Variants in ATP10B observed in about 807,000 individuals in gnomAD.
The protein encoded by ATP10B is ATPase phospholipid transporting 10B (putative), also known as phospholipid-transporting ATPase VB.
A neutral mutation model predicts 141.2 loss-of-function variants in ATP10B; 122 were observed. The observed-to-expected ratio is 0.86, with a 90% confidence interval of 0.75 to 1.00. ATP10B has a LOEUF of 1.00. ATP10B is among the 50% of genes least tolerant of loss of function. The pLI is 0.00. For synonymous variants in ATP10B, 685 were observed against 692.0 expected (o/e 0.99, Z 0.16); for missense variants, 1,876 against 1,825.3 (o/e 1.03, Z -0.51).
At chr5:160,813,670 C>A (rs189349067) in intron 1 of ATP10B, among the ~76,000 whole-genome samples, 1 of 152,210 alleles carries the variant, frequency 6.6e-6, no homozygotes, top group Non-Finnish European at 1.5e-5. Context: ...GATCTGAGAA[C>A]GGACAGACTG....
At chr5:160,572,357 T>C (rs1754930626) in intron 24 of ATP10B, among the ~76,000 whole-genome samples, 1 of 152,172 alleles carries the variant, frequency 6.6e-6, no homozygotes. Flanking sequence ...TCTTGTTATA[T>C]TTCTATCCAG....
chr5:160,891,152 T>C, the ATP10B span, among the ~76,000 whole-genome samples: 2 of 152,228 alleles, frequency 1.3e-5, no homozygotes, highest in Non-Finnish European at 2.9e-5. Context: ...TTGAGGCCTT[T>C]TGTGTAACAG....
chr5:160,906,330 AAAAC>A, the ATP10B span, among the ~76,000 whole-genome samples: 1 of 152,086 alleles, frequency 6.6e-6, no homozygotes, highest in African/African-American at 2.4e-5. Flanking sequence ...TGGGAAAAAA[AAAAC>A]AATCGACCAG....
At chr5:160,638,660 A>G (rs530128544) in intron 10 of ATP10B, among the ~76,000 whole-genome samples, 7 of 152,300 alleles carry the variant, frequency 4.6e-5, no homozygotes, top group African/African-American at 9.6e-5. Context: ...CTGAGCCCCT[A>G]TGAAGCTCTC....
chr5:160,686,831 G>T, intron 5 of ATP10B: 1 of 462,942 alleles, frequency 2.2e-6, no homozygotes, highest in Non-Finnish European at 2.8e-6. Flanking sequence ...GGGCTCTGGA[G>T]CATAGCAGTT....
At chr5:160,649,345 A>T in intron 7 of ATP10B, 89 bp from the exon 8 acceptor site, 1 of 916,248 alleles carries the variant, frequency 1.1e-6, no homozygotes, top group Non-Finnish European at 1.7e-6. Flanking sequence ...TGTTAGAACC[A>T]TTGCAAATAA....
chr5:160,902,908 C>T, the ATP10B span, among the ~76,000 whole-genome samples: 1 of 152,168 alleles, frequency 6.6e-6, no homozygotes, highest in Non-Finnish European at 1.5e-5. Context: ...TTGTAATCAA[C>T]AATTAGGATG....
chr5:160,919,139 G>C, the ATP10B span, among the ~76,000 whole-genome samples: 2 of 144,944 alleles, frequency 1.4e-5, no homozygotes, highest in Non-Finnish European at 3.0e-5. Flanking sequence ...CAGGAGAATG[G>C]CGTGAACCCG....
At chr5:160,878,734 C>T in the ATP10B span, among the ~76,000 whole-genome samples, 3 of 152,168 alleles carry the variant, frequency 2.0e-5, no homozygotes, top group Non-Finnish European at 4.4e-5. Context: ...AGGACATGAA[C>T]AGACACTTCT....
At chr5:160,655,832 G>A (rs542743003) in intron 7 of ATP10B, among the ~76,000 whole-genome samples, 1 of 152,286 alleles carries the variant, frequency 6.6e-6, no homozygotes, top group East Asian at 1.9e-4. Flanking sequence ...GAGAATCAAG[G>A]GAAGAAAGGG....
the ATP10B span, among the ~76,000 whole-genome samples, chr5:160,927,440 G>A: frequency 1.3e-5 from 2 of 152,114 alleles, no homozygotes; most frequent in African/African-American, 4.8e-5. Context: ...TGTTTCTTAG[G>A]AGACTAAATC....
chr5:160,578,870 G>A (rs189184113), intron 24 of ATP10B, among the ~76,000 whole-genome samples: 2 of 152,218 alleles, frequency 1.3e-5, no homozygotes, highest in African/African-American at 4.8e-5. Flanking sequence ...TTTAATGATC[G>A]CCATTCTAAC....
intron 1 of ATP10B, among the ~76,000 whole-genome samples, chr5:160,821,716 G>T (rs1052324052): frequency 2.0e-5 from 3 of 151,970 alleles, no homozygotes; most frequent in African/African-American, 7.2e-5. Context: ...CATCTATAGT[G>T]AACTAAGTTT....
chr5:160,898,325 G>A, the ATP10B span, among the ~76,000 whole-genome samples: 2 of 152,140 alleles, frequency 1.3e-5, no homozygotes, highest in Non-Finnish European at 2.9e-5. Flanking sequence ...CCCTCAAAAT[G>A]TGGGCAAAGG....
At chr5:160,604,117 C>G in intron 19 of ATP10B, 76 bp from the exon 20 acceptor site, 1 of 1,032,376 alleles carries the variant, frequency 9.7e-7, no homozygotes, top group East Asian at 2.4e-5. Context: ...TAAAGTGTCC[C>G]CAGTTACATA....
intron 2 of ATP10B, among the ~76,000 whole-genome samples, chr5:160,773,255 T>G (rs1770039098): frequency 6.6e-6 from 1 of 152,206 alleles, no homozygotes; most frequent in Non-Finnish European, 1.5e-5. Context: ...ATAGTCGTAG[T>G]CTTAGCTAAT....
At chr5:160,626,597 A>G (rs1213522292) in intron 13 of ATP10B, among the ~76,000 whole-genome samples, 1 of 152,204 alleles carries the variant, frequency 6.6e-6, no homozygotes, top group African/African-American at 2.4e-5. Context: ...CTATGCCAAC[A>G]TTTCTCAAAC....
intron 2 of ATP10B, among the ~76,000 whole-genome samples, chr5:160,718,701 T>A (rs536533272): frequency 1.3e-5 from 2 of 152,228 alleles, no homozygotes; most frequent in African/African-American, 2.4e-5. Context: ...TGAGAACTAA[T>A]CCAGTATCAT....
chr5:160,820,860 C>G (rs1047923834), intron 1 of ATP10B, among the ~76,000 whole-genome samples: 4 of 151,966 alleles, frequency 2.6e-5, no homozygotes, highest in African/African-American at 9.7e-5. Context: ...GATAAAAACC[C>G]TAAGAAAGCT....
Sources: gnomAD v4.1 joint callset for allele counts (sites outside exome capture counted in the v4.1 genomes callset) on GRCh38, gnomAD v4.1.1 for gene constraint, MANE v1.5 for transcripts, NCBI Gene and HGNC (gene_info 2026-07-23, HGNC 2026-07-21) for gene names.